ASCL3: variants seen among roughly 807,000 people sequenced by gnomAD.
ASCL3 encodes achaete-scute family bHLH transcription factor 3.
ASCL3 carries 1 observed loss-of-function variant against 2.3 expected under a neutral mutation model. That is an observed-to-expected ratio of 0.44 (90% CI 0.16 to 2.10). ASCL3 has a LOEUF of 2.10. ASCL3 is among the 30% of genes most tolerant of loss of function. ASCL3 has a pLI of 0.28. For synonymous variants in ASCL3, 98 were observed against 88.5 expected (o/e 1.11, Z -0.60); for missense variants, 243 against 229.0 (o/e 1.06, Z -0.40).
intron 1 of ASCL3, among the ~76,000 whole-genome samples, chr11:8,940,178 A>G (rs1853670291): frequency 6.8e-6 from 1 of 147,816 alleles, no homozygotes; most frequent in Non-Finnish European, 1.5e-5. Flanking sequence ...TCTTGCCTTG[A>G]TGCCCAGGCT....
Position 8,937,910 on chromosome 11 carries a change from T to C in ASCL3, c.252A>G (p.Arg84=). 6.2e-7 allele frequency: 1 copy of C among 1,614,094 alleles called. No homozygotes were observed. Among genetic ancestry groups the C allele is most frequent in the Non-Finnish European group, 8.5e-7 (1 of 1,180,008 alleles). Residue 84 remains arginine, a synonymous_variant, in exon 2 of 2, where the codon AGA becomes AGG. Transcript: ENST00000531618. The part of the protein sequence containing the change: ...FSFPMPYPNY[R]GCEYSYGPAF... Reference sequence around the variant, plus strand: ...CTGGCCCGTAGGAGTACTCGCACCCTCTGTAATTTGGATAAGGCATCGGGA... The same window carrying C: ...CTGGCCCGTAGGAGTACTCGCACCCCCTGTAATTTGGATAAGGCATCGGGA...
chr11:8,939,330 C>G (rs545730102), intron 1 of ASCL3, among the ~76,000 whole-genome samples: 5 of 151,978 alleles, frequency 3.3e-5, no homozygotes, highest in African/African-American at 1.2e-4. Flanking sequence ...CCTCTGCCCC[C>G]CCGGGTTCAA....
At chr11:8,940,597 G>A (rs1316316279) in intron 1 of ASCL3, among the ~76,000 whole-genome samples, 4 of 152,016 alleles carry the variant, frequency 2.6e-5, no homozygotes, top group East Asian at 1.9e-4. Flanking sequence ...CTGAGCTTTC[G>A]CTTTCCCCAT....
At position 8,938,190 on chromosome 11, in the gene ASCL3, G is replaced by A. The variant is rs1251738028; in HGVS notation, c.-12-17C>T. 1 of 1,536,666 alleles carries A rather than the reference G, an allele frequency of 6.5e-7. No individual in the cohort carries two copies. The highest frequency in any genetic ancestry group is 2.3e-5 in the East Asian group (1 of 44,188). On this transcript the variant is annotated splice_polypyrimidine_tract_variant and intron_variant, in intron 1 of 1. Coordinates refer to ENST00000531618, the MANE Select transcript of ASCL3 (RefSeq NM_020646.3). ...CTCTTTAACCTGCAAACATAACCAA[G>A]TTTAACAATGTGGTCAGATAGAGAG...
chr11:8,938,486 T>C (rs1313244698), intron 1 of ASCL3, among the ~76,000 whole-genome samples: 1 of 151,964 alleles, frequency 6.6e-6, no homozygotes. Context: ...CTTGACCTTG[T>C]GATCCGCCCG....
chr11:8,942,677 G>A (rs1430644512), intron 1 of ASCL3, among the ~76,000 whole-genome samples: 3 of 152,142 alleles, frequency 2.0e-5, no homozygotes, highest in African/African-American at 7.2e-5. Context: ...TGGAATGTTA[G>A]AGCTAGAAGG....
rs527785983 is a variant in ASCL3 at position 8,938,526 on chromosome 11, G to T, written c.-12-353C>A. ...AGCCTCCCAAAGTGCTGGGATTACA[G>T]GTGTGAGCCACCACGCCCGGCCGGA... is the stretch of plus-strand genomic sequence containing the variant. On this transcript the variant is annotated intron_variant, in intron 1 of 1. Transcript: ENST00000531618. Among the ~76,000 whole-genome samples, 184 of 146,032 alleles carry T rather than the reference G, an allele frequency of 1.3e-3. 1 individual carries two copies. The highest frequency in any genetic ancestry group is 3.4e-3 in the Middle Eastern group (1 of 290).
chr11:8,937,724 C>T lies in ASCL3; in HGVS notation c.438G>A (p.Gln146=), dbSNP rs1310645098. 1 of 1,614,082 alleles carries T rather than the reference C, an allele frequency of 6.2e-7. No homozygotes were observed. Among genetic ancestry groups the T allele is most frequent in the South Asian group, 1.1e-5 (1 of 91,078 alleles). Residue 146 remains glutamine, a synonymous_variant, in exon 2 of 2, where the codon CAG becomes CAA. Coordinates refer to ENST00000531618, the MANE Select transcript of ASCL3 (RefSeq NM_020646.3). ...RAAIKYINYL[Q]SLLYPDKAET... Reference sequence around the variant, plus strand: ...CAGCTTTATCAGGGTACAGAAGAGACTGCAGGTAGTTAATGTACTTGATCG... The same window carrying T: ...CAGCTTTATCAGGGTACAGAAGAGATTGCAGGTAGTTAATGTACTTGATCG...
At chr11:8,938,225 T>A (rs1050094031) in intron 1 of ASCL3, 52 bp from the exon 2 acceptor site, 1 of 1,387,484 alleles carries the variant, frequency 7.2e-7, no homozygotes, top group African/African-American at 1.5e-5. Flanking sequence ...GCAGATATGA[T>A]CTACTTTCTT....
intron 1 of ASCL3, 48 bp from the exon 2 acceptor site, chr11:8,938,221 A>G: frequency 1.4e-6 from 2 of 1,397,308 alleles, no homozygotes; most frequent in African/African-American, 1.4e-5. Context: ...GAGAGCAGAT[A>G]TGATCTACTT....
chr11:8,941,745 C>T (rs1159746562), intron 1 of ASCL3, among the ~76,000 whole-genome samples: 1 of 152,048 alleles, frequency 6.6e-6, no homozygotes, highest in African/African-American at 2.4e-5. Flanking sequence ...CCTAAGATAA[C>T]TAACAAAACA....
intron 1 of ASCL3, among the ~76,000 whole-genome samples, chr11:8,942,648 TG>T (rs1483870989): frequency 6.6e-6 from 1 of 152,174 alleles, no homozygotes; most frequent in East Asian, 1.9e-4. Context: ...AAGCTACAAC[TG>T]CCGATATAAT....
intron 1 of ASCL3, among the ~76,000 whole-genome samples, chr11:8,939,249 C>G (rs1422927232): frequency 1.3e-5 from 2 of 151,522 alleles, no homozygotes; most frequent in South Asian, 4.2e-4. Context: ...TCCTTTTTTT[C>G]TTTTTTTGAG....
rs371074296 is a variant in ASCL3 at position 8,938,569 on chromosome 11, CTT to C, written c.-12-398_-12-397del. Among the ~76,000 whole-genome samples, 1,356 of 152,006 alleles carry C rather than the reference CTT, an allele frequency of 8.9e-3. 18 individuals carry two copies. The highest frequency in any genetic ancestry group is 0.029 in the African/African-American group (1,216 of 41,488). On this transcript the variant is annotated intron_variant, in intron 1 of 1. Coordinates refer to ENST00000531618, the MANE Select transcript of ASCL3 (RefSeq NM_020646.3). ...CGGCCGGAGATCAATGTTTTAAAGACTTTTCTGCTTTGATGACCAATTTCTGA... is the reference window on the plus strand; with the variant it reads ...CGGCCGGAGATCAATGTTTTAAAGACTTCTGCTTTGATGACCAATTTCTGA...
At chr11:8,940,156 G>A (rs934679349) in intron 1 of ASCL3, among the ~76,000 whole-genome samples, 1 of 115,116 alleles carries the variant, frequency 8.7e-6, no homozygotes, top group Non-Finnish European at 1.8e-5. Flanking sequence ...TTTTTTTTTT[G>A]TAGAGATGGG....
chr11:8,941,303 G>A (rs763403975), intron 1 of ASCL3, among the ~76,000 whole-genome samples: 3 of 150,814 alleles, frequency 2.0e-5, no homozygotes, highest in Non-Finnish European at 3.0e-5. Context: ...GGAGTGAGGG[G>A]TTATTATCTG....
At position 8,937,846 on chromosome 11, in the gene ASCL3, C is replaced by T. The variant is rs761483356; in HGVS notation, c.316G>A (p.Val106Met). ...GCGTAGCCTTCATTGACACATTTCA[C>T]CCGCTGCCTTTCCCGCTCATTCCTT... The part of the protein sequence containing the change: ...RKRNERERQR[V>M]KCVNEGYAQL... Residue 106 changes from valine to methionine, a missense_variant, in exon 2 of 2, where the codon GTG (valine) becomes ATG (methionine). Val to Met is a conservative substitution (Grantham distance 21). Transcript: ENST00000531618. 11 of 1,614,008 alleles carry T rather than the reference C, an allele frequency of 6.8e-6. No individual in the cohort carries two copies. The Middle Eastern group carries it at 8.2e-4, about 121-fold the overall frequency.
At chr11:8,941,189 C>T (rs1853688489) in intron 1 of ASCL3, among the ~76,000 whole-genome samples, 1 of 152,008 alleles carries the variant, frequency 6.6e-6, no homozygotes, top group African/African-American at 2.4e-5. Flanking sequence ...AGGAACATAC[C>T]TAAAATGGAG....
intron 1 of ASCL3, among the ~76,000 whole-genome samples, chr11:8,941,918 G>C (rs905502463): frequency 1.3e-5 from 2 of 152,086 alleles, no homozygotes; most frequent in Non-Finnish European, 2.9e-5. Context: ...TGTGGAGCCC[G>C]TATTACTGCA....
Sources: allele counts gnomAD v4.1 joint callset (sites outside exome capture counted in the v4.1 genomes callset), GRCh38; gene constraint gnomAD v4.1.1; transcripts MANE v1.5; gene names NCBI Gene and HGNC (gene_info 2026-07-23, HGNC 2026-07-21).